The following ABCG2 variants were observed in gnomAD, a reference collection of about 807,000 sequenced individuals.
The protein encoded by ABCG2 is broad substrate specificity ATP-binding cassette transporter ABCG2.
Under a neutral mutation model 73.5 loss-of-function variants are expected in ABCG2, and 80 were observed. That is an observed-to-expected ratio of 1.09 (90% CI 0.91 to 1.31). ABCG2 has a LOEUF of 1.31. ABCG2 is among the 50% of genes most tolerant of loss of function. The probability of loss-of-function intolerance (pLI) is 0.00; values close to 1 mark genes in which losing one functional copy is unlikely to be tolerated. For synonymous variants in ABCG2, 269 were observed against 282.4 expected (o/e 0.95, Z 0.48); for missense variants, 796 against 786.2 (o/e 1.01, Z -0.15).
chr4:88,214,828 T>G (rs1729747148), intron 1 of ABCG2, among the ~76,000 whole-genome samples: 1 of 142,674 alleles, frequency 7.0e-6, no homozygotes, highest in East Asian at 2.1e-4. Context: ...CTTGCTATGT[T>G]GCCTAGACTG....
chr4:88,103,542 T>A (rs1482278753), intron 10 of ABCG2, among the ~76,000 whole-genome samples: 1 of 152,234 alleles, frequency 6.6e-6, no homozygotes, highest in Admixed American at 6.5e-5. Context: ...TCAAGCTAAT[T>A]AACACATCCA....
intron 1 of ABCG2, among the ~76,000 whole-genome samples, chr4:88,204,159 T>C (rs11097184): frequency 0.57 from 85,957 of 152,074 alleles, 26,230 homozygotes; most frequent in East Asian, 0.67. Context: ...TGGTGGCTCA[T>C]GCCTGTAATC....
intron 1 of ABCG2, among the ~76,000 whole-genome samples, chr4:88,196,361 A>G (rs1278964978): frequency 1.3e-5 from 2 of 152,186 alleles, no homozygotes; most frequent in Admixed American, 6.5e-5. Context: ...TAATCATCCC[A>G]TAAGTGGTGT....
At chr4:88,209,076 G>GC (rs1729486641) in intron 1 of ABCG2, among the ~76,000 whole-genome samples, 1 of 151,962 alleles carries the variant, frequency 6.6e-6, no homozygotes, top group Non-Finnish European at 1.5e-5. Flanking sequence ...ACCTTGGGAG[G>GC]CCGAGGCAGT....
chr4:88,103,455 T>C (rs1722578893), intron 10 of ABCG2, among the ~76,000 whole-genome samples: 1 of 152,238 alleles, frequency 6.6e-6, no homozygotes, highest in South Asian at 2.1e-4. Flanking sequence ...AAATTATAAA[T>C]TGGCATATTA....
intron 1 of ABCG2, among the ~76,000 whole-genome samples, chr4:88,188,939 G>C (rs1484854470): frequency 4.6e-5 from 7 of 151,900 alleles, no homozygotes; most frequent in African/African-American, 1.7e-4. Flanking sequence ...CCTGAACCTG[G>C]GAAGCAGAGG....
At chr4:88,198,944 G>T in intron 1 of ABCG2, among the ~76,000 whole-genome samples, 1 of 151,832 alleles carries the variant, frequency 6.6e-6, no homozygotes, top group East Asian at 1.9e-4. Context: ...ATATGTATAT[G>T]TATATATATG....
At chr4:88,206,224 G>A (rs1729370617) in intron 1 of ABCG2, among the ~76,000 whole-genome samples, 1 of 152,088 alleles carries the variant, frequency 6.6e-6, no homozygotes, top group South Asian at 2.1e-4. Flanking sequence ...AGGCCAAGGT[G>A]GGAGCTTTGC....
chr4:88,171,320 G>T (rs887717736), intron 1 of ABCG2, among the ~76,000 whole-genome samples: 10 of 146,694 alleles, frequency 6.8e-5, no homozygotes, highest in African/African-American at 2.6e-4. Context: ...GTATAGAATG[G>T]ATGGGGGGAT....
At chr4:88,133,861 G>A (rs549391702) in intron 2 of ABCG2, among the ~76,000 whole-genome samples, 52 of 152,214 alleles carry the variant, frequency 3.4e-4, no homozygotes, top group African/African-American at 1.2e-3. Flanking sequence ...AGCCAGACAC[G>A]GTGGTGGGTG....
intron 1 of ABCG2, chr4:88,201,862 C>T (rs2110115193): frequency 6.6e-6 from 1 of 152,274 alleles, no homozygotes; most frequent in Non-Finnish European, 1.5e-5. Context: ...CATAAGCCTA[C>T]ACTCAAAACC....
chr4:88,159,339 T>C (rs537806949), upstream of ABCG2: 9 of 391,626 alleles, frequency 2.3e-5, no homozygotes, highest in Non-Finnish European at 4.6e-5. Flanking sequence ...TTCTGGTGAA[T>C]GGGATTCTGA....
At chr4:88,099,199 G>C (rs1436529327) in intron 12 of ABCG2, 125 bp downstream of exon 12, 7 of 868,394 alleles carry the variant, frequency 8.1e-6, no homozygotes, top group Admixed American at 2.9e-5. Flanking sequence ...AAATGGACAG[G>C]TGTTTCCTTA....
chr4:88,141,108 G>GA (rs1253388728), intron 1 of ABCG2, among the ~76,000 whole-genome samples: 1 of 152,148 alleles, frequency 6.6e-6, no homozygotes. Context: ...AGTAATCCAT[G>GA]ACGAACTTTC....
intron 1 of ABCG2, among the ~76,000 whole-genome samples, chr4:88,197,575 C>T (rs1034621387): frequency 3.9e-5 from 6 of 152,052 alleles, no homozygotes; most frequent in Non-Finnish European, 5.9e-5. Flanking sequence ...AGTGATCACG[C>T]GACTGCACTC....
intron 1 of ABCG2, among the ~76,000 whole-genome samples, chr4:88,155,539 A>C (rs1726878373): frequency 6.6e-6 from 1 of 152,220 alleles, no homozygotes; most frequent in Non-Finnish European, 1.5e-5. Flanking sequence ...TTGGGCTCAG[A>C]GGCCTGACAC....
chr4:88,101,142 A>G (rs1722377695), intron 11 of ABCG2, 88 bp downstream of exon 11: 1 of 1,103,862 alleles, frequency 9.1e-7, no homozygotes, highest in Non-Finnish European at 1.4e-6. Flanking sequence ...TCCGGATCCC[A>G]TCCTTGGCCC....
intron 1 of ABCG2, among the ~76,000 whole-genome samples, chr4:88,177,126 A>G (rs1326832192): frequency 6.6e-6 from 1 of 152,200 alleles, no homozygotes; most frequent in Non-Finnish European, 1.5e-5. Flanking sequence ...TAATCCCAGC[A>G]CTTTGGGAGG....
rs1560644078 is a variant in ABCG2, at chr4:88,092,188, GCTT to G, written c.*43_*45del. ...CTTGATTGAATACTTCAATCAAAGT[GCTT>G]CTTTTTTATGTGAGGATAAATCATA... is the stretch of plus-strand genomic sequence containing the variant. On this transcript the variant is annotated 3_prime_UTR_variant, in exon 16 of 16. Coordinates refer to ENST00000237612, the MANE Select transcript of ABCG2 (RefSeq NM_004827.3). 1 of 1,532,446 alleles carries G rather than the reference GCTT, an allele frequency of 6.5e-7. No individual in the cohort carries two copies. The highest frequency in any genetic ancestry group is 1.2e-5 in the South Asian group (1 of 81,730). 94.9% of individuals were successfully genotyped at this position (1,532,446 alleles called of 1,614,324 possible).
Sources: gnomAD v4.1 joint callset for allele counts (sites outside exome capture counted in the v4.1 genomes callset) on GRCh38, gnomAD v4.1.1 for gene constraint, MANE v1.5 for transcripts, NCBI Gene and HGNC (gene_info 2026-07-23, HGNC 2026-07-21) for gene names.